The following CSNK1A1 variants were observed in gnomAD, a reference collection of about 807,000 sequenced individuals.
CSNK1A1 encodes casein kinase 1 alpha 1.
In CSNK1A1, 7 loss-of-function variants were observed where a neutral mutation model predicts 46.1. The ratio of observed to expected loss-of-function variants is 0.15; its 90% CI spans 0.09 to 0.29. The LOEUF (loss-of-function observed/expected upper bound fraction) is 0.29, where lower values mean the gene tolerates loss of function less well. Ranked by LOEUF, CSNK1A1 falls within the 10% of genes least tolerant of loss-of-function variation. The pLI is 1.00. For synonymous variants in CSNK1A1, 137 were observed against 141.5 expected, an observed-to-expected ratio of 0.97 and a Z score of 0.23; for missense variants, 96 against 417.1, an observed-to-expected ratio of 0.23 and a Z score of 6.71.
chr5:149,539,027 T>C (rs1264943178), intron 2 of CSNK1A1, among the ~76,000 whole-genome samples: 3 of 152,164 alleles, frequency 2.0e-5, no homozygotes, highest in Admixed American at 6.5e-5. Context: ...GATACCTCTA[T>C]GAGTAAGACA....
chr5:149,502,265 C>A, intron 9 of CSNK1A1: 1 of 942,408 alleles, frequency 1.1e-6, no homozygotes, highest in Non-Finnish European at 1.3e-6. Context: ...GCTTAAAATA[C>A]ACTTATGAAA....
At chr5:149,545,574 G>A (rs535808221) in intron 2 of CSNK1A1, 169 of 735,572 alleles carry the variant, frequency 2.3e-4, no homozygotes, top group Middle Eastern at 4.0e-4. Flanking sequence ...AATCGAGTTC[G>A]CAGCTGACAC....
chr5:149,523,288 C>G (rs1342679435), intron 3 of CSNK1A1, among the ~76,000 whole-genome samples: 3 of 152,126 alleles, frequency 2.0e-5, no homozygotes, highest in African/African-American at 7.2e-5. Flanking sequence ...GATTTACCGG[C>G]CTTGGCCTCT....
chr5:149,496,938 G>A, intron 9 of CSNK1A1, 78 bp from the exon 10 acceptor site: 1 of 1,518,876 alleles, frequency 6.6e-7, no homozygotes, highest in Admixed American at 2.1e-5. Context: ...TATGGAAATT[G>A]GGTGGAACTG....
intron 4 of CSNK1A1, 135 bp downstream of exon 4, chr5:149,520,155 A>G (rs892543379): frequency 1.7e-6 from 1 of 571,612 alleles, no homozygotes; most frequent in Non-Finnish European, 3.1e-6. Context: ...TTATCCTCAT[A>G]GCACAATCTT....
intron 9 of CSNK1A1, chr5:149,501,119 C>T: frequency 1.0e-6 from 1 of 985,418 alleles, no homozygotes; most frequent in Non-Finnish European, 1.2e-6. Flanking sequence ...GTTGTGCTAT[C>T]ATCCAGATGA....
At chr5:149,538,430 G>A (rs549305150) in intron 2 of CSNK1A1, among the ~76,000 whole-genome samples, 1 of 152,310 alleles carries the variant, frequency 6.6e-6, no homozygotes, top group East Asian at 1.9e-4. Flanking sequence ...GGTGTTGTAT[G>A]TTAAATTCAC....
intron 2 of CSNK1A1, among the ~76,000 whole-genome samples, chr5:149,527,655 ATTTTC>A (rs1304820980): frequency 2.6e-5 from 4 of 151,948 alleles, no homozygotes; most frequent in East Asian, 1.9e-4. Flanking sequence ...TCCTCATTTT[ATTTTC>A]TTTTGTTATT....
chr5:149,541,932 T>C (rs1451013892), intron 2 of CSNK1A1, among the ~76,000 whole-genome samples: 1 of 140,058 alleles, frequency 7.1e-6, no homozygotes, highest in Non-Finnish European at 1.5e-5. Context: ...GATCACGCCA[T>C]TGCATCCCAG....
intron 3 of CSNK1A1, among the ~76,000 whole-genome samples, chr5:149,522,249 G>A (rs757394906): frequency 1.3e-5 from 2 of 151,764 alleles, no homozygotes; most frequent in Non-Finnish European, 2.9e-5. Context: ...CTGGAACTAC[G>A]GACATGCGCG....
At chr5:149,513,622 G>A (rs2125130) in intron 4 of CSNK1A1, among the ~76,000 whole-genome samples, 8,155 of 152,166 alleles carry the variant, frequency 0.054, 505 homozygotes, top group East Asian at 0.18. Flanking sequence ...TATAATGGCC[G>A]AGCGCGGTAG....
At chr5:149,500,214 T>C (rs1406643417) in intron 9 of CSNK1A1, among the ~76,000 whole-genome samples, 1 of 149,922 alleles carries the variant, frequency 6.7e-6, no homozygotes, top group Non-Finnish European at 1.5e-5. Context: ...CTTGGCTCAC[T>C]GCAAGCTCCG....
At chr5:149,519,600 CA>C (rs1186049852) in intron 4 of CSNK1A1, among the ~76,000 whole-genome samples, 1 of 152,164 alleles carries the variant, frequency 6.6e-6, no homozygotes, top group African/African-American at 2.4e-5. Context: ...CCAATCACCC[CA>C]TAAGTTGAAC....
chr5:149,546,798 CTAAA>C (rs1005769151), intron 2 of CSNK1A1, among the ~76,000 whole-genome samples: 2 of 152,130 alleles, frequency 1.3e-5, no homozygotes, highest in Non-Finnish European at 2.9e-5. Flanking sequence ...CTAGCTAACA[CTAAA>C]TAGTCAACTT....
In CSNK1A1 at chr5:149,496,081, G is replaced by A. The variant is rs1262783521; in HGVS notation, c.*772C>T. 1.3e-5 allele frequency: 2 copies of A among 152,460 alleles called. No homozygotes were observed. Among genetic ancestry groups the A allele is most frequent in the African/African-American group, 2.4e-5 (1 of 41,390 alleles). 9.4% of individuals were successfully genotyped at this position (152,460 alleles called of 1,614,324 possible). A position where few individuals can be genotyped will look rare whatever the true frequency, so the allele number is the denominator to read the frequency against. On this transcript the variant is annotated 3_prime_UTR_variant, in exon 10 of 10. Transcript: ENST00000377843. The stretch of plus-strand genomic sequence containing the variant: ...CCCAGATCATATAGATGTTTACAGT[G>A]ATTACATTTATCTAAGCAACATACA...
chr5:149,524,930 C>T, intron 3 of CSNK1A1, 115 bp downstream of exon 3: 6 of 884,740 alleles, frequency 6.8e-6, no homozygotes, highest in Non-Finnish European at 9.6e-6. Context: ...TTTTTTTCTG[C>T]CTATGCTAAG....
chr5:149,512,019 T>C, intron 5 of CSNK1A1, 147 bp from the exon 6 acceptor site: 1 of 589,534 alleles, frequency 1.7e-6, no homozygotes, highest in Admixed American at 3.7e-5. Flanking sequence ...TTTAAGGTGA[T>C]TTTAAAAAGT....
At chr5:149,545,526 A>G in intron 2 of CSNK1A1, 1 of 651,698 alleles carries the variant, frequency 1.5e-6, no homozygotes, top group Non-Finnish European at 2.8e-6. Flanking sequence ...GGACACAAGC[A>G]CACTTCCCAA....
intron 9 of CSNK1A1, chr5:149,497,745 A>G (rs1760698368): frequency 2.0e-6 from 2 of 985,242 alleles, no homozygotes; most frequent in African/African-American, 1.7e-5. Context: ...GCTAGAAACT[A>G]TAGCTCATTC....
Sources: allele counts gnomAD v4.1 joint callset (sites outside exome capture counted in the v4.1 genomes callset), GRCh38; gene constraint gnomAD v4.1.1; transcripts MANE v1.5; gene names NCBI Gene and HGNC (gene_info 2026-07-23, HGNC 2026-07-21).